CDH7: variants seen among roughly 807,000 people sequenced by gnomAD.
The protein encoded by CDH7 is cadherin 7, also known as cadherin-7.
Under a neutral mutation model 71.8 loss-of-function variants are expected in CDH7, and 25 were observed. The ratio of observed to expected loss-of-function variants is 0.35; its 90% CI spans 0.25 to 0.49. The LOEUF (loss-of-function observed/expected upper bound fraction) is 0.49. Among genes scored for constraint, CDH7 ranks in the 20% least tolerant of loss-of-function variants. CDH7 has a pLI of 0.99. For synonymous variants in CDH7, 381 were observed against 363.8 expected, an observed-to-expected ratio of 1.05 and a Z score of -0.54; for missense variants, 862 against 974.6, an observed-to-expected ratio of 0.88 and a Z score of 1.54.
chr18:65,864,889 TA>T (rs1191269381), intron 11 of CDH7, among the ~76,000 whole-genome samples: 25,852 of 85,644 alleles, frequency 0.3, 2,795 homozygotes, highest in African/African-American at 0.35. Flanking sequence ...AGACTCCATC[TA>T]AAAAAAAAAA....
At chr18:65,843,048 A>G (rs1459641550) in intron 6 of CDH7, among the ~76,000 whole-genome samples, 1 of 152,144 alleles carries the variant, frequency 6.6e-6, no homozygotes. Context: ...TTTATTTTTC[A>G]AAGATGGTGC....
chr18:65,759,406 G>A (rs558488560), intron 1 of CDH7, among the ~76,000 whole-genome samples: 4 of 151,076 alleles, frequency 2.6e-5, no homozygotes, highest in South Asian at 2.1e-4. Context: ...CACCATGCCC[G>A]GCTAATTTTT....
At position 65,882,184 on chromosome 18, in the gene CDH7, A is replaced by G. The variant is rs1914251607; in HGVS notation, c.*1290A>G. ...ATGTCCCTCAAGAATTAACCAAGCA[A>G]TGTATGATTTCTGTGTGGTTTAGAT... On this transcript the variant is annotated 3_prime_UTR_variant, in exon 12 of 12. Coordinates refer to ENST00000397968, the MANE Select transcript of CDH7 (RefSeq NM_004361.5). 6.6e-6 allele frequency: 1 copy of G among 152,100 alleles called. No homozygotes were observed. The highest frequency in any genetic ancestry group is 2.4e-5 in the African/African-American group (1 of 41,424). The allele number at this position is 152,100 out of a possible 1,614,324, so 9.4% of individuals were successfully genotyped here.
intron 7 of CDH7, among the ~76,000 whole-genome samples, chr18:65,847,864 G>A (rs1041980392): frequency 6.6e-6 from 1 of 151,992 alleles, no homozygotes; most frequent in Non-Finnish European, 1.5e-5. Context: ...CTGTCCTTTT[G>A]TGGCAGGGAG....
At chr18:65,843,164 G>A (rs1912798949) in intron 6 of CDH7, among the ~76,000 whole-genome samples, 1 of 151,908 alleles carries the variant, frequency 6.6e-6, no homozygotes, top group African/African-American at 2.4e-5. Context: ...AAATCCTCTT[G>A]GAAAATTAGA....
chr18:65,844,543 TA>T (rs1164808905), intron 7 of CDH7, among the ~76,000 whole-genome samples: 3 of 152,020 alleles, frequency 2.0e-5, no homozygotes, highest in Admixed American at 6.6e-5. Flanking sequence ...TTAATTTTTT[TA>T]AAAAAACTAG....
chr18:65,763,137 T>C, intron 2 of CDH7, 85 bp downstream of exon 2: 3 of 747,464 alleles, frequency 4.0e-6, no homozygotes, highest in Admixed American at 7.7e-5. Flanking sequence ...ATATATAAAA[T>C]TTATTTTTTG....
chr18:65,798,076 A>T lies in CDH7; in HGVS notation c.211-11628A>T, dbSNP rs191532268. ...GGCATAGAGAACTAAGGAGGAGGGC[A>T]TGCAAACTGGGTCGCTGGCTTCCCT... On this transcript the variant is annotated intron_variant, in intron 2 of 11. Transcript: ENST00000397968. Among the ~76,000 whole-genome samples, 18 of 152,326 alleles carry T rather than the reference A, an allele frequency of 1.2e-4. No individual in the cohort carries two copies. In the East Asian group the frequency reaches 3.5e-3, roughly 29 times the overall value.
At chr18:65,867,775 T>C (rs974934381) in intron 11 of CDH7, among the ~76,000 whole-genome samples, 16 of 152,168 alleles carry the variant, frequency 1.1e-4, no homozygotes, top group African/African-American at 3.9e-4. Context: ...CTCTTTGCTC[T>C]TCTGACACAA....
intron 11 of CDH7, among the ~76,000 whole-genome samples, chr18:65,867,021 C>T (rs926124169): frequency 6.8e-6 from 1 of 147,506 alleles, no homozygotes; most frequent in African/African-American, 2.5e-5. Context: ...TGGCAAGATA[C>T]TCTGGTATTC....
chr18:65,855,701 G>C (rs1236641205), intron 7 of CDH7, among the ~76,000 whole-genome samples: 1 of 152,096 alleles, frequency 6.6e-6, no homozygotes, highest in African/African-American at 2.4e-5. Context: ...ACACAGTATT[G>C]TTCAGGAAAT....
chr18:65,850,580 T>TTA (rs1913112593), intron 7 of CDH7, among the ~76,000 whole-genome samples: 1 of 147,752 alleles, frequency 6.8e-6, no homozygotes, highest in African/African-American at 2.5e-5. Flanking sequence ...CTGCAGAGGT[T>TTA]TTATTATTAT....
At chr18:65,763,635 G>T (rs1916271202) in intron 2 of CDH7, among the ~76,000 whole-genome samples, 1 of 149,146 alleles carries the variant, frequency 6.7e-6, no homozygotes, top group African/African-American at 2.5e-5. Flanking sequence ...GTGTGTGTTA[G>T]GTTGCTTTAA....
At chr18:65,765,759 C>T (rs912233582) in intron 2 of CDH7, among the ~76,000 whole-genome samples, 17 of 151,942 alleles carry the variant, frequency 1.1e-4, no homozygotes, top group Admixed American at 3.9e-4. Flanking sequence ...GGATAACTAC[C>T]GTATGTGTCA....
chr18:65,821,092 A>G (rs1911907283), intron 4 of CDH7, among the ~76,000 whole-genome samples: 1 of 151,374 alleles, frequency 6.6e-6, no homozygotes, highest in Non-Finnish European at 1.5e-5. Context: ...GGGTTACAGA[A>G]ATAAAGATAA....
chr18:65,854,253 C>T (rs1913267028), intron 7 of CDH7, among the ~76,000 whole-genome samples: 1 of 151,648 alleles, frequency 6.6e-6, no homozygotes, highest in Admixed American at 6.6e-5. Flanking sequence ...CTGTAGTGAG[C>T]CATGCTTGCA....
chr18:65,759,259 C>G (rs997255783), intron 1 of CDH7, among the ~76,000 whole-genome samples: 47 of 96,618 alleles, frequency 4.9e-4, no homozygotes, highest in African/African-American at 1.8e-3. Context: ...TTTCTTTTTT[C>G]TTTTGGAGAC....
rs1005075227 is a variant in CDH7, at chr18:65,753,421, T to G, written c.-197+2271T>G. On this transcript the variant is annotated intron_variant, in intron 1 of 11. Coordinates refer to ENST00000397968, the MANE Select transcript of CDH7 (RefSeq NM_004361.5). ...TTCATAAGGTTTTACATTTATTGCA[T>G]TAATAGCTTGTATCACATCACAGTT... Among the ~76,000 whole-genome samples the G allele has an allele frequency of 2.2e-4, 34 of 152,236 alleles. 1 individual carries two copies. Among genetic ancestry groups the G allele is most frequent in the African/African-American group, 8.2e-4 (34 of 41,462 alleles).
At position 65,887,227 on chromosome 18, in the gene CDH7, A is replaced by G. The variant is rs1914394424; in HGVS notation, c.*6333A>G. ...TATATCAAGATCTGGAATATGTTGT[A>G]TACTGTATATGACCAATACTTTAAG... On this transcript the variant is annotated 3_prime_UTR_variant, in exon 12 of 12. Transcript: ENST00000397968. The G allele has an allele frequency of 6.6e-6, 1 of 152,122 alleles. No homozygotes were observed. Among genetic ancestry groups the G allele is most frequent in the Non-Finnish European group, 1.5e-5 (1 of 68,014 alleles). The allele number at this position is 152,122 out of a possible 1,614,324, so 9.4% of individuals were successfully genotyped here. A position where few individuals can be genotyped will look rare whatever the true frequency, so the allele number is the denominator to read the frequency against.
Sources: allele counts gnomAD v4.1 joint callset (sites outside exome capture counted in the v4.1 genomes callset), GRCh38; gene constraint gnomAD v4.1.1; transcripts MANE v1.5; gene names NCBI Gene and HGNC (gene_info 2026-07-23, HGNC 2026-07-21).